Variants in STARD13 observed in about 807,000 individuals in gnomAD.
STARD13 encodes the protein StAR related lipid transfer domain containing 13.
A neutral mutation model predicts 106.4 loss-of-function variants in STARD13; 62 were observed. That is an observed-to-expected ratio of 0.58 (90% CI 0.48 to 0.72). The LOEUF (loss-of-function observed/expected upper bound fraction) is 0.72, where lower values mean the gene tolerates loss of function less well. STARD13 is among the 30% of genes least tolerant of loss of function. The probability of loss-of-function intolerance (pLI) is 0.00; values close to 1 mark genes in which losing one functional copy is unlikely to be tolerated. For missense variants in STARD13, 1,387 were observed against 1,424.0 expected, an observed-to-expected ratio of 0.97 and a Z score of 0.42; for synonymous variants, 565 against 553.0, an observed-to-expected ratio of 1.02 and a Z score of -0.31.
At chr13:33,637,695 T>C in the STARD13 span, among the ~76,000 whole-genome samples, 5 of 152,324 alleles carry the variant, frequency 3.3e-5, no homozygotes, top group African/African-American at 9.6e-5. Flanking sequence ...TGCAGCTCAT[T>C]CAAGGGCTAT....
At chr13:33,530,118 TG>T in the STARD13 span, among the ~76,000 whole-genome samples, 232 of 147,594 alleles carry the variant, frequency 1.6e-3, 1 homozygote, top group African/African-American at 5.6e-3. Context: ...CCTCTACTCA[TG>T]TTTTTTTTTT....
Position 33,328,536 on chromosome 13 carries a change from C to T in STARD13, c.124+21754G>A, listed in dbSNP as rs116490244. ...CATGATGGCAAGCAACCATTTCAAC[C>T]AGAGTGCAGGAAATGCATTTTTCTT... On this transcript the variant is annotated intron_variant, in intron 1 of 5. Coordinates refer to the STARD13 transcript ENST00000567873. 4.7e-3 allele frequency among the ~76,000 whole-genome samples: 720 copies of T among 152,326 alleles called. 5 individuals are homozygous for T. Among genetic ancestry groups the T allele is most frequent in the African/African-American group, 0.016 (679 of 41,572 alleles).
chr13:33,457,789 T>A, the STARD13 span, among the ~76,000 whole-genome samples: 4,278 of 152,286 alleles, frequency 0.028, 199 homozygotes, highest in African/African-American at 0.096. Context: ...AAGGGTTTCA[T>A]TCTCATGACT....
At chr13:33,633,899 C>G in the STARD13 span, among the ~76,000 whole-genome samples, 1 of 152,290 alleles carries the variant, frequency 6.6e-6, no homozygotes, top group East Asian at 1.9e-4. Flanking sequence ...TTGGGGCTCC[C>G]TGTGTGACCT....
chr13:33,584,923 C>T, the STARD13 span, among the ~76,000 whole-genome samples: 7 of 152,256 alleles, frequency 4.6e-5, no homozygotes, highest in African/African-American at 1.7e-4. Flanking sequence ...TTGCCTTCCA[C>T]CATGATTGTA....
At chr13:33,113,031 C>A (rs546348513) in intron 8 of STARD13, 100 bp from the exon 9 acceptor site, 70 of 831,814 alleles carry the variant, frequency 8.4e-5, no homozygotes, top group Non-Finnish European at 1.2e-4. Flanking sequence ...GAACACGCAC[C>A]CAGAGTCATC....
chr13:33,432,279 A>C, the STARD13 span, among the ~76,000 whole-genome samples: 1 of 152,204 alleles, frequency 6.6e-6, no homozygotes. Context: ...TTCTTAGAGA[A>C]AAGATGTTAG....
At chr13:33,169,084 C>A (rs924572129) in intron 1 of STARD13, among the ~76,000 whole-genome samples, 26 of 152,272 alleles carry the variant, frequency 1.7e-4, no homozygotes, top group African/African-American at 6.3e-4. Flanking sequence ...TAAGTGTGAC[C>A]AGCATGTTCC....
the STARD13 span, among the ~76,000 whole-genome samples, chr13:33,468,322 T>C: frequency 6.6e-6 from 1 of 152,220 alleles, no homozygotes; most frequent in Non-Finnish European, 1.5e-5. Context: ...TACTGCTCCC[T>C]TCATCCAATT....
the STARD13 span, among the ~76,000 whole-genome samples, chr13:33,569,998 C>T: frequency 6.8e-6 from 1 of 147,166 alleles, no homozygotes; most frequent in East Asian, 2.0e-4. Flanking sequence ...GCACTAAAAT[C>T]TCAGAAATCA....
At chr13:33,473,414 A>G in the STARD13 span, among the ~76,000 whole-genome samples, 3 of 152,250 alleles carry the variant, frequency 2.0e-5, no homozygotes, top group Non-Finnish European at 2.9e-5. Flanking sequence ...TTACTGAAAC[A>G]CCAGAAATTT....
the STARD13 span, among the ~76,000 whole-genome samples, chr13:33,499,798 T>TCTATTCCC: frequency 8.6e-4 from 117 of 135,278 alleles, no homozygotes; most frequent in African/African-American, 3.0e-3. Flanking sequence ...AAGGTCTTAC[T>TCTATTCCC]CTATTCCCCA....
rs539843121 is a variant in STARD13 at position 33,122,282 on chromosome 13, T to C, written c.2082+3799A>G. Among the ~76,000 whole-genome samples the C allele has an allele frequency of 5.3e-5, 8 of 152,332 alleles. No homozygotes were observed. The South Asian group carries it at 1.2e-3, about 24-fold the overall frequency. ...TAAGTGTGAGCCACCATACCTGCCC[T>C]GTTGCTCATCCTTCTGATCACAGTG... On this transcript the variant is annotated intron_variant, in intron 7 of 13. Transcript: ENST00000336934.
At chr13:33,546,834 T>C in the STARD13 span, among the ~76,000 whole-genome samples, 1 of 152,152 alleles carries the variant, frequency 6.6e-6, no homozygotes, top group African/African-American at 2.4e-5. Flanking sequence ...CTAATACATG[T>C]TCTAATAATT....
chr13:33,483,678 T>G, the STARD13 span, among the ~76,000 whole-genome samples: 17 of 152,318 alleles, frequency 1.1e-4, no homozygotes, highest in African/African-American at 3.8e-4. Flanking sequence ...CCCACACTTG[T>G]AGTTACATTT....
chr13:33,246,777 A>G (rs1483072907), intron 1 of STARD13, among the ~76,000 whole-genome samples: 2 of 152,242 alleles, frequency 1.3e-5, no homozygotes, highest in Non-Finnish European at 2.9e-5. Context: ...CAAAAGCAAA[A>G]AGAATTATCT....
intron 1 of STARD13, among the ~76,000 whole-genome samples, chr13:33,251,474 T>C (rs963165824): frequency 5.3e-5 from 8 of 152,332 alleles, no homozygotes; most frequent in Admixed American, 5.2e-4. Flanking sequence ...CAGAAAACCA[T>C]GTGCATTCAG....
the STARD13 span, among the ~76,000 whole-genome samples, chr13:33,543,183 T>G: frequency 6.6e-6 from 1 of 152,244 alleles, no homozygotes; most frequent in African/African-American, 2.4e-5. Context: ...GGACCCTGTA[T>G]TAATTGCCTG....
At chr13:33,577,579 T>C in the STARD13 span, among the ~76,000 whole-genome samples, 3 of 152,122 alleles carry the variant, frequency 2.0e-5, no homozygotes, top group Admixed American at 6.6e-5. Context: ...CACACATATA[T>C]AGTCAACTGA....
Sources: gnomAD v4.1 joint callset for allele counts (sites outside exome capture counted in the v4.1 genomes callset) on GRCh38, gnomAD v4.1.1 for gene constraint, MANE v1.5 for transcripts, NCBI Gene and HGNC (gene_info 2026-07-23, HGNC 2026-07-21) for gene names.